Variants in XRRA1 observed in about 807,000 individuals in gnomAD.
XRRA1 encodes the protein X-ray radiation resistance associated 1.
XRRA1 carries 69 observed loss-of-function variants against 80.2 expected under a neutral mutation model. The ratio of observed to expected loss-of-function variants is 0.86; its 90% CI spans 0.71 to 1.05. XRRA1 has a LOEUF of 1.05. Ranked by LOEUF, XRRA1 falls within the 50% of genes least tolerant of loss-of-function variation. XRRA1 has a pLI of 0.00. For synonymous variants in XRRA1, 348 were observed against 389.9 expected (o/e 0.89, Z 1.27); for missense variants, 967 against 976.4 (o/e 0.99, Z 0.13).
At chr11:74,904,604 T>C (rs1021818525) in intron 10 of XRRA1, among the ~76,000 whole-genome samples, 22 of 151,548 alleles carry the variant, frequency 1.5e-4, no homozygotes, top group Non-Finnish European at 2.9e-4. Context: ...CATAGGTAAA[T>C]AGAAAACACA....
At chr11:74,944,120 G>A (rs182605459) in intron 2 of XRRA1, among the ~76,000 whole-genome samples, 1 of 152,174 alleles carries the variant, frequency 6.6e-6, no homozygotes, top group East Asian at 1.9e-4. Context: ...CTTTTGCTAA[G>A]CTGTGAAGTC....
chr11:74,872,902 T>G (rs2045186613), intron 10 of XRRA1, among the ~76,000 whole-genome samples: 1 of 152,154 alleles, frequency 6.6e-6, no homozygotes, highest in Non-Finnish European at 1.5e-5. Context: ...TCAGGTAAAG[T>G]TCTAACCTGA....
intron 10 of XRRA1, among the ~76,000 whole-genome samples, chr11:74,902,089 C>T (rs2053666679): frequency 6.6e-6 from 1 of 152,060 alleles, no homozygotes; most frequent in South Asian, 2.1e-4. Flanking sequence ...AATAATCTGA[C>T]TAAAAAATGG....
At chr11:74,867,841 CA>C (rs61428267) in intron 10 of XRRA1, among the ~76,000 whole-genome samples, 5 of 138,118 alleles carry the variant, frequency 3.6e-5, no homozygotes, top group South Asian at 2.3e-4. Flanking sequence ...AGGTCACCTA[CA>C]AAAAAAAACC....
intron 12 of XRRA1, among the ~76,000 whole-genome samples, chr11:74,855,244 T>C (rs933746680): frequency 1.3e-5 from 2 of 152,088 alleles, no homozygotes; most frequent in Admixed American, 1.3e-4. Flanking sequence ...ATAATGGTGG[T>C]CAAAGTGGGT....
intron 10 of XRRA1, among the ~76,000 whole-genome samples, chr11:74,888,119 G>T (rs892628275): frequency 2.6e-5 from 4 of 152,206 alleles, no homozygotes; most frequent in African/African-American, 9.6e-5. Context: ...TGGACAGACT[G>T]CCTCCTCAAG....
At chr11:74,847,515 C>T (rs1462694952) in intron 15 of XRRA1, among the ~76,000 whole-genome samples, 1 of 152,166 alleles carries the variant, frequency 6.6e-6, no homozygotes, top group Non-Finnish European at 1.5e-5. Flanking sequence ...TTTCCTCTGT[C>T]CAGAATGCCC....
At chr11:74,924,120 G>T (rs547471102) in intron 7 of XRRA1, among the ~76,000 whole-genome samples, 31 of 151,796 alleles carry the variant, frequency 2.0e-4, no homozygotes, top group African/African-American at 7.5e-4. Flanking sequence ...GGGATTACAG[G>T]TGTGAGCCAC....
intron 10 of XRRA1, among the ~76,000 whole-genome samples, chr11:74,887,779 C>T (rs982564121): frequency 1.1e-4 from 16 of 152,094 alleles, no homozygotes; most frequent in South Asian, 8.3e-4. Flanking sequence ...GATTATATCC[C>T]GCACCTGGCT....
chr11:74,914,924 T>C (rs924557430), intron 8 of XRRA1, among the ~76,000 whole-genome samples: 3 of 152,202 alleles, frequency 2.0e-5, no homozygotes, highest in Non-Finnish European at 4.4e-5. Flanking sequence ...TAGATTCCTA[T>C]GGCGCATACT....
chr11:74,854,279 G>C (rs1224864679), intron 12 of XRRA1, among the ~76,000 whole-genome samples: 3 of 152,158 alleles, frequency 2.0e-5, no homozygotes, highest in African/African-American at 7.2e-5. Context: ...TGGGCCAGTG[G>C]CTATCTGAAG....
At chr11:74,898,572 C>A (rs1265864807) in intron 10 of XRRA1, among the ~76,000 whole-genome samples, 3 of 151,840 alleles carry the variant, frequency 2.0e-5, no homozygotes, top group African/African-American at 7.3e-5. Flanking sequence ...AAAGATATTC[C>A]ATGCAAGTGG....
chr11:74,924,165 G>GA (rs1941624548), intron 7 of XRRA1, among the ~76,000 whole-genome samples: 1 of 146,954 alleles, frequency 6.8e-6, no homozygotes, highest in African/African-American at 2.5e-5. Context: ...TTAAATGGTT[G>GA]AAAAAAATAA....
intron 1 of XRRA1, among the ~76,000 whole-genome samples, chr11:74,947,593 T>G (rs1335133987): frequency 6.6e-6 from 1 of 152,188 alleles, no homozygotes; most frequent in Non-Finnish European, 1.5e-5. Flanking sequence ...CATCTCACTT[T>G]ATTTTAAATA....
At chr11:74,946,769 TGA>T (rs1281109079) in intron 1 of XRRA1, among the ~76,000 whole-genome samples, 1 of 150,774 alleles carries the variant, frequency 6.6e-6, no homozygotes, top group Non-Finnish European at 1.5e-5. Context: ...TTTTTTTTTT[TGA>T]GACGGAGTCT....
intron 10 of XRRA1, among the ~76,000 whole-genome samples, chr11:74,902,169 T>G (rs1053567509): frequency 6.6e-6 from 1 of 152,196 alleles, no homozygotes; most frequent in African/African-American, 2.4e-5. Context: ...AAAAGGTTCT[T>G]AACATCACTG....
At chr11:74,917,119 T>C (rs933815769) in intron 8 of XRRA1, among the ~76,000 whole-genome samples, 5 of 152,234 alleles carry the variant, frequency 3.3e-5, no homozygotes, top group Non-Finnish European at 5.9e-5. Context: ...ACAATGGTTG[T>C]GTGCCTCTGT....
chr11:74,851,957 G>A (rs754396627), intron 13 of XRRA1, 32 bp downstream of exon 13: 4 of 1,590,210 alleles, frequency 2.5e-6, no homozygotes, highest in East Asian at 2.2e-5. Flanking sequence ...TGGGCACTGG[G>A]TTGAGAGGGG....
intron 15 of XRRA1, among the ~76,000 whole-genome samples, chr11:74,847,875 C>A (rs1181949070): frequency 6.6e-6 from 1 of 152,216 alleles, no homozygotes; most frequent in Non-Finnish European, 1.5e-5. Context: ...CAGATCTTGA[C>A]TGTGCCACAG....
Sources: gnomAD v4.1 joint callset for allele counts (sites outside exome capture counted in the v4.1 genomes callset) on GRCh38, gnomAD v4.1.1 for gene constraint, MANE v1.5 for transcripts, NCBI Gene and HGNC (gene_info 2026-07-23, HGNC 2026-07-21) for gene names.